The following RALYL variants were observed in gnomAD, a reference collection of about 807,000 sequenced individuals.
RALYL encodes the protein RALY RNA binding protein like.
RALYL carries 29 observed loss-of-function variants against 35.1 expected under a neutral mutation model. The ratio of observed to expected loss-of-function variants is 0.83; its 90% confidence interval spans 0.61 to 1.13. The LOEUF (loss-of-function observed/expected upper bound fraction) is 1.13. RALYL is among the 50% of genes most tolerant of loss of function. RALYL has a pLI of 0.00. For missense variants in RALYL, 359 were observed against 360.4 expected, an observed-to-expected ratio of 1.00 and a Z score of 0.03; for synonymous variants, 120 against 127.6, an observed-to-expected ratio of 0.94 and a Z score of 0.40.
chr8:84,249,606 A>G lies in RALYL; in HGVS notation c.-24+65182A>G, dbSNP rs189595037. On this transcript the variant is annotated intron_variant, in intron 1 of 8. Coordinates refer to ENST00000521268, the MANE Select transcript of RALYL (RefSeq NM_173848.7). ...GTGATAAAGGTGAATGAGGAATCCT[A>G]TAGTCTTGAAACTGAAAAATAGTTG... Among the ~76,000 whole-genome samples, 521 of 152,270 alleles carry G rather than the reference A, an allele frequency of 3.4e-3. 4 individuals are homozygous for G. Among genetic ancestry groups the G allele is most frequent in the African/African-American group, 0.012 (506 of 41,580 alleles).
chr8:84,371,662 G>T (rs777753604), intron 1 of RALYL, among the ~76,000 whole-genome samples: 10 of 151,786 alleles, frequency 6.6e-5, no homozygotes, highest in Non-Finnish European at 1.3e-4. Flanking sequence ...TCCTAAGGGG[G>T]CTGCTTTGTG....
intron 3 of RALYL, among the ~76,000 whole-genome samples, chr8:84,801,255 C>T (rs1472740481): frequency 1.3e-5 from 2 of 152,120 alleles, no homozygotes; most frequent in Non-Finnish European, 2.9e-5. Flanking sequence ...CTTGGGAGTC[C>T]TGGTACCTTG....
At chr8:84,309,878 C>G (rs1842446607) in intron 1 of RALYL, among the ~76,000 whole-genome samples, 1 of 152,050 alleles carries the variant, frequency 6.6e-6, no homozygotes, top group Admixed American at 6.5e-5. Context: ...ACCCCCGCCA[C>G]CACGACCGGC....
intron 2 of RALYL, among the ~76,000 whole-genome samples, chr8:84,725,001 T>A (rs28735824): frequency 0.34 from 52,112 of 151,442 alleles, 11,011 homozygotes; most frequent in African/African-American, 0.6. Context: ...CTTGATGTGC[T>A]ATCAACCTGC....
intron 2 of RALYL, among the ~76,000 whole-genome samples, chr8:84,545,068 C>T (rs1262349080): frequency 6.6e-6 from 1 of 151,992 alleles, no homozygotes; most frequent in Non-Finnish European, 1.5e-5. Context: ...TCTCCTCATG[C>T]AGTTTATGTC....
At chr8:84,875,818 A>G (rs961300074) in intron 7 of RALYL, among the ~76,000 whole-genome samples, 3 of 152,266 alleles carry the variant, frequency 2.0e-5, no homozygotes, top group African/African-American at 7.2e-5. Context: ...ACAATGCTTA[A>G]TTAGTTGAAA....
chr8:84,288,574 T>C (rs539972320), intron 1 of RALYL, among the ~76,000 whole-genome samples: 40 of 152,314 alleles, frequency 2.6e-4, no homozygotes, highest in African/African-American at 9.6e-4. Context: ...TTTTTCTGCA[T>C]TTTTAGTTGC....
intron 4 of RALYL, among the ~76,000 whole-genome samples, chr8:84,811,881 A>G (rs1825984810): frequency 6.6e-6 from 1 of 151,946 alleles, no homozygotes. Flanking sequence ...TTGTTTCTTT[A>G]TGTATTTCCT....
At chr8:84,208,992 GT>G (rs993677807) in intron 1 of RALYL, among the ~76,000 whole-genome samples, 1 of 151,898 alleles carries the variant, frequency 6.6e-6, no homozygotes, top group Non-Finnish European at 1.5e-5. Flanking sequence ...CCCTTTGGGA[GT>G]TAGGCGAAGG....
At chr8:84,418,867 T>C (rs1289740964) in intron 1 of RALYL, among the ~76,000 whole-genome samples, 1 of 151,504 alleles carries the variant, frequency 6.6e-6, no homozygotes. Context: ...AGGCCTGCCA[T>C]TTCTTTGGAT....
chr8:84,566,773 C>A (rs901413013), intron 2 of RALYL, among the ~76,000 whole-genome samples: 2 of 151,612 alleles, frequency 1.3e-5, no homozygotes, highest in Non-Finnish European at 3.0e-5. Flanking sequence ...AACAATGGAC[C>A]TCTAGTTTTT....
intron 1 of RALYL, among the ~76,000 whole-genome samples, chr8:84,387,452 A>G (rs1430287393): frequency 2.0e-5 from 3 of 151,898 alleles, no homozygotes; most frequent in Non-Finnish European, 4.4e-5. Flanking sequence ...TAAAATTTCC[A>G]GGCTGTACTT....
intron 1 of RALYL, among the ~76,000 whole-genome samples, chr8:84,188,298 CTG>C (rs1813012180): frequency 6.6e-6 from 1 of 151,958 alleles, no homozygotes; most frequent in Admixed American, 6.6e-5. Flanking sequence ...TATGAAAACT[CTG>C]TGTTTTGCTA....
At chr8:84,245,120 C>A (rs1828802063) in intron 1 of RALYL, among the ~76,000 whole-genome samples, 1 of 152,110 alleles carries the variant, frequency 6.6e-6, no homozygotes, top group South Asian at 2.1e-4. Context: ...TGGAAGTGAA[C>A]TTCCTTGAAC....
At chr8:84,228,143 G>C (rs1053362685) in intron 1 of RALYL, among the ~76,000 whole-genome samples, 10 of 91,934 alleles carry the variant, frequency 1.1e-4, no homozygotes, top group Non-Finnish European at 1.7e-4. Context: ...AAGACATAAA[G>C]AATAGTCTAG....
chr8:84,445,649 T>C (rs781706282), intron 1 of RALYL, among the ~76,000 whole-genome samples: 223 of 151,700 alleles, frequency 1.5e-3, no homozygotes, highest in South Asian at 6.8e-3. Flanking sequence ...TATTTTGTTA[T>C]CAATAATGAA....
At chr8:84,736,766 T>C (rs1847383897) in intron 2 of RALYL, among the ~76,000 whole-genome samples, 1 of 152,098 alleles carries the variant, frequency 6.6e-6, no homozygotes, top group Admixed American at 6.6e-5. Flanking sequence ...CCAGAGTTTC[T>C]TTCTATGCCT....
At chr8:84,527,723 A>G (rs968725003) in intron 1 of RALYL, among the ~76,000 whole-genome samples, 3 of 152,164 alleles carry the variant, frequency 2.0e-5, no homozygotes, top group African/African-American at 7.2e-5. Flanking sequence ...TCTTTCTTCA[A>G]CTCTACTTTG....
At chr8:84,765,858 A>T (rs934224428) in intron 2 of RALYL, among the ~76,000 whole-genome samples, 9 of 151,686 alleles carry the variant, frequency 5.9e-5, no homozygotes, top group African/African-American at 2.2e-4. Flanking sequence ...AAACCCTAAG[A>T]ATAAAGATTT....
Sources: allele counts gnomAD v4.1 joint callset (sites outside exome capture counted in the v4.1 genomes callset), GRCh38; gene constraint gnomAD v4.1.1; transcripts MANE v1.5; gene names NCBI Gene and HGNC (gene_info 2026-07-23, HGNC 2026-07-21).